CREB5: variants seen among roughly 807,000 people sequenced by gnomAD.
The protein encoded by CREB5 is cyclic AMP-responsive element-binding protein 5.
In CREB5, 19 loss-of-function variants were observed where a neutral mutation model predicts 57.1. The ratio of observed to expected loss-of-function variants is 0.33; its 90% confidence interval spans 0.23 to 0.49. The LOEUF (loss-of-function observed/expected upper bound fraction) is 0.49, where lower values mean the gene tolerates loss of function less well. Ranked by LOEUF, CREB5 falls within the 20% of genes least tolerant of loss-of-function variation. CREB5 has a pLI of 0.99. For synonymous variants in CREB5, 238 were observed against 238.3 expected (o/e 1.00, Z 0.01); for missense variants, 579 against 671.6 (o/e 0.86, Z 1.52).
At chr7:28,326,183 A>G (rs943587938) in intron 1 of CREB5, among the ~76,000 whole-genome samples, 1 of 150,336 alleles carries the variant, frequency 6.7e-6, no homozygotes, top group Admixed American at 6.7e-5. Context: ...CTATCTATCT[A>G]TCTATCTATC....
intron 1 of CREB5, among the ~76,000 whole-genome samples, chr7:28,328,449 C>A (rs1278762340): frequency 6.6e-6 from 1 of 152,156 alleles, no homozygotes; most frequent in African/African-American, 2.4e-5. Flanking sequence ...AGCCTTCAAA[C>A]AAGGTGTGTG....
chr7:28,560,895 TGC>T (rs1232211956), intron 4 of CREB5, among the ~76,000 whole-genome samples: 1,399 of 26,556 alleles, frequency 0.053, 187 homozygotes, highest in African/African-American at 0.18. Flanking sequence ...TGCGTGTGTG[TGC>T]GTGCGCGCGT....
chr7:28,727,998 T>C (rs909751179), intron 7 of CREB5, among the ~76,000 whole-genome samples: 1 of 152,126 alleles, frequency 6.6e-6, no homozygotes, highest in Non-Finnish European at 1.5e-5. Context: ...CTGGTTGGAG[T>C]GCAGTGGCAT....
rs1786184061 is a variant in CREB5, at chr7:28,351,486, T to C, written c.-25+52045T>C. ...TCAGACTGTCTCTTGTGTTCTTTGA[T>C]AACTCTGAGATTTTCCTTTCCTATT... On this transcript the variant is annotated intron_variant, in intron 1 of 9. Coordinates refer to the CREB5 transcript ENST00000396299. Among the ~76,000 whole-genome samples the C allele has an allele frequency of 1.3e-5, 2 of 152,220 alleles. 1 individual carries two copies. The highest frequency in any genetic ancestry group is 4.1e-4 in the South Asian group (2 of 4,826).
At chr7:28,560,711 T>C (rs1184101006) in intron 4 of CREB5, among the ~76,000 whole-genome samples, 1 of 151,642 alleles carries the variant, frequency 6.6e-6, no homozygotes, top group Non-Finnish European at 1.5e-5. Context: ...GGAGTTTGGA[T>C]GAAAACACAG....
chr7:28,416,980 G>C lies in CREB5; in HGVS notation c.3+4063G>C, dbSNP rs537841330. On this transcript the variant is annotated intron_variant, in intron 1 of 10. Transcript: ENST00000357727. ...AGCAAAACAAAAGGGGGGAAGAAGA[G>C]TTGAAATTAGATTGATGGCATAACA... Among the ~76,000 whole-genome samples, 7 of 152,302 alleles carry C rather than the reference G, an allele frequency of 4.6e-5. No individual in the cohort carries two copies. The South Asian group carries it at 1.4e-3, about 32-fold the overall frequency.
intron 1 of CREB5, among the ~76,000 whole-genome samples, chr7:28,333,342 T>C (rs1171317818): frequency 6.6e-6 from 1 of 152,234 alleles, no homozygotes; most frequent in African/African-American, 2.4e-5. Flanking sequence ...GTAATAATCA[T>C]CTTGGGGTAA....
At chr7:28,674,172 T>C (rs1220246241) in intron 5 of CREB5, among the ~76,000 whole-genome samples, 2 of 152,074 alleles carry the variant, frequency 1.3e-5, no homozygotes, top group Non-Finnish European at 2.9e-5. Flanking sequence ...ATTTTCTGCA[T>C]TACAAGAGTC....
intron 5 of CREB5, among the ~76,000 whole-genome samples, chr7:28,652,947 C>T (rs1453696001): frequency 1.3e-5 from 2 of 152,140 alleles, no homozygotes; most frequent in African/African-American, 4.8e-5. Flanking sequence ...CAAGTTCATT[C>T]TTCTTTTTTC....
intron 5 of CREB5, among the ~76,000 whole-genome samples, chr7:28,656,440 AAAG>A (rs935170981): frequency 2.6e-5 from 4 of 152,208 alleles, no homozygotes; most frequent in African/African-American, 9.6e-5. Context: ...GAACAACAAA[AAAG>A]AAATCACTCT....
At chr7:28,523,125 G>A (rs216712) in intron 4 of CREB5, among the ~76,000 whole-genome samples, 85,137 of 152,058 alleles carry the variant, frequency 0.56, 25,408 homozygotes, top group East Asian at 0.71. Context: ...AGGAAAGCAC[G>A]CTTGGGTGAG....
chr7:28,592,568 C>G (rs921746042), intron 5 of CREB5, among the ~76,000 whole-genome samples: 1 of 152,128 alleles, frequency 6.6e-6, no homozygotes, highest in Non-Finnish European at 1.5e-5. Flanking sequence ...ATCACCCCCA[C>G]GCAGCTGGGA....
chr7:28,493,990 G>T (rs563248045), intron 2 of CREB5, among the ~76,000 whole-genome samples: 1 of 152,172 alleles, frequency 6.6e-6, no homozygotes, highest in African/African-American at 2.4e-5. Context: ...AAATAATTAG[G>T]CATGGCATGT....
chr7:28,497,816 C>G (rs914308271), intron 3 of CREB5, among the ~76,000 whole-genome samples: 1 of 152,078 alleles, frequency 6.6e-6, no homozygotes, highest in Non-Finnish European at 1.5e-5. Flanking sequence ...TTTTCTCAAG[C>G]CTTATTTTCC....
intron 1 of CREB5, among the ~76,000 whole-genome samples, chr7:28,312,021 C>T (rs1785288988): frequency 6.6e-6 from 1 of 152,158 alleles, no homozygotes; most frequent in South Asian, 2.1e-4. Flanking sequence ...GTTCTGCACC[C>T]TTTTGTTCTT....
chr7:28,739,542 G>A (rs914268328), intron 7 of CREB5, among the ~76,000 whole-genome samples: 5 of 152,170 alleles, frequency 3.3e-5, no homozygotes, highest in South Asian at 2.1e-4. Flanking sequence ...AACAAGCTGC[G>A]GGTTTTGCAA....
intron 1 of CREB5, among the ~76,000 whole-genome samples, chr7:28,487,531 A>G (rs942378326): frequency 5.3e-5 from 8 of 152,206 alleles, no homozygotes; most frequent in Non-Finnish European, 1.2e-4. Flanking sequence ...TTGGATTTCT[A>G]CTTACTCCTG....
At chr7:28,739,794 G>A (rs777292537) in intron 7 of CREB5, among the ~76,000 whole-genome samples, 4 of 152,102 alleles carry the variant, frequency 2.6e-5, no homozygotes. Flanking sequence ...CAGGGCAGTG[G>A]CATTAAATTC....
At position 28,678,881 on chromosome 7, in the gene CREB5, ACTT is replaced by A. The variant is rs570280312; in HGVS notation, c.465-39869_465-39867del. Among the ~76,000 whole-genome samples the A allele has an allele frequency of 1.8e-4, 27 of 152,284 alleles. No homozygotes were observed. In the South Asian group the frequency reaches 3.5e-3, roughly 20 times the overall value. Reference sequence around the variant, plus strand: ...CCTCTTAATAAATCAGTGCTGGTGAACTTCTCTGCTCAGTGTAAGAGAAGGTCA... The same window carrying A: ...CCTCTTAATAAATCAGTGCTGGTGAACTCTGCTCAGTGTAAGAGAAGGTCA... On this transcript the variant is annotated intron_variant, in intron 5 of 10. Transcript: ENST00000357727.
Sources: allele counts gnomAD v4.1 joint callset (sites outside exome capture counted in the v4.1 genomes callset), GRCh38; gene constraint gnomAD v4.1.1; transcripts MANE v1.5; gene names NCBI Gene and HGNC (gene_info 2026-07-23, HGNC 2026-07-21).